Variants in KCNN3 observed in about 807,000 individuals in gnomAD.
KCNN3 encodes potassium calcium-activated channel subfamily N member 3, also known as small conductance calcium-activated potassium channel protein 3.
A neutral mutation model predicts 62.9 loss-of-function variants in KCNN3; 16 were observed. The observed-to-expected ratio is 0.25, with a 90% confidence interval of 0.17 to 0.39. The LOEUF (loss-of-function observed/expected upper bound fraction) is 0.39. Ranked by LOEUF, KCNN3 falls within the 10% of genes least tolerant of loss-of-function variation. The pLI is 1.00. For synonymous variants in KCNN3, 370 were observed against 389.2 expected, an observed-to-expected ratio of 0.95 and a Z score of 0.58; for missense variants, 599 against 949.4, an observed-to-expected ratio of 0.63 and a Z score of 4.85.
chr1:154,837,825 C>T (rs1045852221), intron 1 of KCNN3, among the ~76,000 whole-genome samples: 3 of 152,312 alleles, frequency 2.0e-5, no homozygotes, highest in Non-Finnish European at 4.4e-5. Context: ...CCTCTTGTCA[C>T]GTGGGGGCCA....
chr1:154,741,170 G>C (rs1161189509), intron 3 of KCNN3, among the ~76,000 whole-genome samples: 1 of 152,096 alleles, frequency 6.6e-6, no homozygotes, highest in Non-Finnish European at 1.5e-5. Flanking sequence ...TTTCACATGG[G>C]TAAGCAATTA....
intron 1 of KCNN3, 116 bp downstream of exon 1, chr1:154,868,900 ATCTCTCTCTCTCTCTC>A (rs60145117): frequency 7.5e-5 from 57 of 759,568 alleles, no homozygotes; most frequent in Middle Eastern, 2.7e-4. Context: ...CAATCTCTCA[ATCTCTCTCTCTCTCTC>A]TCTCTCTCTC....
intron 2 of KCNN3, among the ~76,000 whole-genome samples, chr1:154,804,470 T>G (rs1650085059): frequency 6.6e-6 from 1 of 152,224 alleles, no homozygotes; most frequent in South Asian, 2.1e-4. Context: ...TGGTTCCAAG[T>G]CAACACTGTA....
intron 3 of KCNN3, among the ~76,000 whole-genome samples, chr1:154,733,982 G>A (rs1035177548): frequency 2.0e-5 from 3 of 152,210 alleles, no homozygotes; most frequent in Non-Finnish European, 2.9e-5. Context: ...CAATCAGGGG[G>A]TGGACAAGGT....
At chr1:154,734,685 C>A (rs1700672176) in intron 3 of KCNN3, among the ~76,000 whole-genome samples, 1 of 152,238 alleles carries the variant, frequency 6.6e-6, no homozygotes, top group African/African-American at 2.4e-5. Context: ...ACAGGGCCAT[C>A]AAGTCAGGGA....
rs568764057 is a variant in KCNN3 at position 154,791,862 on chromosome 1, C to G, written c.1030-19469G>C. ...GGAAAAACCAAACCTCCTCTGAGAG[C>G]TGACTCACGTCCCTTTGGGCATTGT... On this transcript the variant is annotated intron_variant, in intron 2 of 7. Transcript: ENST00000271915. Among the ~76,000 whole-genome samples the G allele has an allele frequency of 2.0e-5, 3 of 152,354 alleles. No individual in the cohort carries two copies. In the East Asian group the frequency reaches 5.8e-4, roughly 29 times the overall value.
At position 154,857,319 on chromosome 1, in the gene KCNN3, G is replaced by A. The variant is rs565575926; in HGVS notation, c.933+11713C>T. ...CTAGGACGCATGCTGTTGAGGGCTC[G>A]GGTGGCCCCTCCAGGGCCCACAGGA... On this transcript the variant is annotated intron_variant, in intron 1 of 7. Coordinates refer to ENST00000271915, the MANE Select transcript of KCNN3 (RefSeq NM_002249.6). Among the ~76,000 whole-genome samples the A allele has an allele frequency of 1.5e-3, 222 of 152,320 alleles. 1 individual carries two copies. The highest frequency in any genetic ancestry group is 2.5e-3 in the Non-Finnish European group (171 of 68,030).
chr1:154,750,540 C>G (rs182779537), intron 3 of KCNN3, among the ~76,000 whole-genome samples: 1 of 152,078 alleles, frequency 6.6e-6, no homozygotes, highest in Non-Finnish European at 1.5e-5. Context: ...CAGCTCTGGG[C>G]CTCCCTCTCT....
In KCNN3 at chr1:154,862,874, T is replaced by G. The variant is rs1316935579; in HGVS notation, c.933+6158A>C. ...CAGTGCCATAAACTCAATTTTTCTC[T>G]TTTAAGGATATGGGCAGCAGCAGGC... On this transcript the variant is annotated intron_variant, in intron 1 of 7. Transcript: ENST00000271915. This position sits in a 1 kb window ranked among gnomAD's most constrained non-coding sequence, Gnocchi z 4.1. Among the ~76,000 whole-genome samples the G allele has an allele frequency of 1.3e-5, 2 of 152,136 alleles. No individual in the cohort carries two copies. Among genetic ancestry groups the G allele is most frequent in the East Asian group, 3.9e-4 (2 of 5,192 alleles).
intron 3 of KCNN3, 78 bp from the exon 4 acceptor site, chr1:154,733,222 G>A: frequency 6.9e-7 from 1 of 1,451,664 alleles, no homozygotes. Context: ...CTAGAGCGGG[G>A]AAGGAAATGA....
intron 2 of KCNN3, among the ~76,000 whole-genome samples, chr1:154,777,780 A>G (rs1648854159): frequency 6.6e-6 from 1 of 152,198 alleles, no homozygotes; most frequent in Non-Finnish European, 1.5e-5. Context: ...GGTGATGTGG[A>G]CAGAGTGTGG....
intron 5 of KCNN3, 74 bp downstream of exon 5, chr1:154,725,842 G>T: frequency 1.8e-6 from 2 of 1,115,514 alleles, no homozygotes; most frequent in Non-Finnish European, 2.7e-6. Context: ...TGCACCCGTT[G>T]GACCATTTGC....
chr1:154,861,378 C>T (rs967901208), intron 1 of KCNN3, among the ~76,000 whole-genome samples: 2 of 152,182 alleles, frequency 1.3e-5, no homozygotes, highest in African/African-American at 2.4e-5. Flanking sequence ...CCATCCATCA[C>T]TGTGCCCTCG....
intron 4 of KCNN3, among the ~76,000 whole-genome samples, chr1:154,731,645 G>A (rs1203466176): frequency 6.6e-6 from 1 of 152,222 alleles, no homozygotes; most frequent in Non-Finnish European, 1.5e-5. Context: ...TCCAGAAAGA[G>A]GGTCTTCATC....
chr1:154,715,805 C>G (rs954193594), intron 5 of KCNN3, among the ~76,000 whole-genome samples: 1 of 151,202 alleles, frequency 6.6e-6, no homozygotes, highest in African/African-American at 2.4e-5. Context: ...TTCGTGTATA[C>G]GGTACATTGC....
At chr1:154,747,718 A>T (rs1317808595) in intron 3 of KCNN3, among the ~76,000 whole-genome samples, 1 of 152,216 alleles carries the variant, frequency 6.6e-6, no homozygotes, top group Non-Finnish European at 1.5e-5. Flanking sequence ...TACATAAATA[A>T]GGTTGGAAAC....
chr1:154,868,571 G>T (rs555191146), intron 1 of KCNN3, among the ~76,000 whole-genome samples: 6 of 149,692 alleles, frequency 4.0e-5, no homozygotes, highest in Middle Eastern at 3.6e-3. Context: ...GGGAGGGGAG[G>T]AAAGAAGGGG....
chr1:154,827,281 C>T (rs1044769940), intron 1 of KCNN3, among the ~76,000 whole-genome samples: 1 of 152,312 alleles, frequency 6.6e-6, no homozygotes, highest in Admixed American at 6.5e-5. Context: ...CTAATTAATG[C>T]TATGCAAATT....
chr1:154,714,598 GAT>G (rs1393752208), intron 6 of KCNN3, among the ~76,000 whole-genome samples: 6 of 24,988 alleles, frequency 2.4e-4, no homozygotes, highest in East Asian at 6.1e-3. Flanking sequence ...TGGTGTGTGT[GAT>G]GTGTGGTGTG....
Sources: gnomAD v4.1 joint callset for allele counts (sites outside exome capture counted in the v4.1 genomes callset) on GRCh38, gnomAD v4.1.1 for gene constraint, Gnocchi (gnomAD v3.1) non-coding constraint, MANE v1.5 for transcripts, NCBI Gene and HGNC (gene_info 2026-07-23, HGNC 2026-07-21) for gene names.